The following TIMD4 variants were observed in gnomAD, a reference collection of about 807,000 sequenced individuals.
The protein encoded by TIMD4 is T cell immunoglobulin and mucin domain containing 4.
In TIMD4, 31 loss-of-function variants were observed where a neutral mutation model predicts 41.2. That is an observed-to-expected ratio of 0.75 (90% CI 0.57 to 1.01). TIMD4 has a LOEUF of 1.01. TIMD4 is among the 50% of genes least tolerant of loss of function. TIMD4 has a pLI of 0.00. For missense variants in TIMD4, 479 were observed against 472.5 expected (o/e 1.01, Z -0.13); for synonymous variants, 204 against 177.1 (o/e 1.15, Z -1.21).
chr5:156,941,428 C>T (rs1759650915), intron 5 of TIMD4, among the ~76,000 whole-genome samples: 1 of 152,232 alleles, frequency 6.6e-6, no homozygotes, highest in South Asian at 2.1e-4. Context: ...AGCTTCCTAT[C>T]TCTATTTTTG....
chr5:156,921,276 C>T (rs1020976675), intron 7 of TIMD4, among the ~76,000 whole-genome samples: 1 of 152,000 alleles, frequency 6.6e-6, no homozygotes, highest in African/African-American at 2.4e-5. Flanking sequence ...CCCTTGAAGT[C>T]CATCTGTGGC....
intron 8 of TIMD4, 105 bp from the exon 9 acceptor site, chr5:156,919,646 G>C: frequency 1.2e-6 from 1 of 846,238 alleles, no homozygotes; most frequent in Non-Finnish European, 1.9e-6. Context: ...AGTTCAAAGG[G>C]CTCACAGTTC....
chr5:156,924,702 G>T, intron 6 of TIMD4: 1 of 169,296 alleles, frequency 5.9e-6, no homozygotes, highest in Non-Finnish European at 1.3e-5. Flanking sequence ...GAATTCATCT[G>T]AAAATAAATA....
At position 156,954,700 on chromosome 5, in the gene TIMD4, G is replaced by T; in HGVS notation, c.115C>A (p.Pro39Thr). 1 of 1,614,052 alleles carries T rather than the reference G, an allele frequency of 6.2e-7. No individual in the cohort carries two copies. The highest frequency in any genetic ancestry group is 1.1e-5 in the South Asian group (1 of 91,058). ...TEVLGHRVTL[P>T]CLYSSWSHNS... ...TGAGACCAGGATGAGTACAGACAGGGCAAAGTCACCCGGTGACCCAAAACC... is the reference window on the plus strand; with the variant it reads ...TGAGACCAGGATGAGTACAGACAGGTCAAAGTCACCCGGTGACCCAAAACC... The change falls in exon 2 of 9, where the codon CCC (proline) becomes ACC (threonine). Residue 39 changes from proline (P) to threonine (T), a missense_variant. Pro to Thr is a conservative substitution (Grantham distance 38). Coordinates refer to ENST00000274532, the MANE Select transcript of TIMD4 (RefSeq NM_138379.3).
intron 6 of TIMD4, among the ~76,000 whole-genome samples, chr5:156,925,290 A>C (rs1480704806): frequency 6.6e-6 from 1 of 152,220 alleles, no homozygotes; most frequent in Non-Finnish European, 1.5e-5. Flanking sequence ...AGCCTGGGCA[A>C]GAGTGAGACT....
At chr5:156,948,124 G>T (rs189173891) in intron 5 of TIMD4, among the ~76,000 whole-genome samples, 7 of 152,044 alleles carry the variant, frequency 4.6e-5, no homozygotes, top group Non-Finnish European at 8.8e-5. Context: ...ACGTGGCCAC[G>T]AAGGAGCCAG....
intron 1 of TIMD4, among the ~76,000 whole-genome samples, chr5:156,961,621 G>A (rs1350087591): frequency 6.8e-6 from 1 of 146,314 alleles, no homozygotes; most frequent in Non-Finnish European, 1.5e-5. Context: ...TGACCAATAT[G>A]GTGAAACCCC....
At chr5:156,923,049 A>G (rs115722579) in intron 6 of TIMD4, among the ~76,000 whole-genome samples, 1,707 of 152,094 alleles carry the variant, frequency 0.011, 29 homozygotes, top group African/African-American at 0.039. Flanking sequence ...CTAAAAGAAA[A>G]GTTTAAACTT....
At chr5:156,950,504 G>A (rs1208443798) in intron 3 of TIMD4, among the ~76,000 whole-genome samples, 3 of 152,132 alleles carry the variant, frequency 2.0e-5, no homozygotes, top group Non-Finnish European at 2.9e-5. Flanking sequence ...TAAAGCTATT[G>A]GAATTTTCCA....
At chr5:156,935,069 CT>C (rs1759514494) in intron 5 of TIMD4, among the ~76,000 whole-genome samples, 1 of 152,152 alleles carries the variant, frequency 6.6e-6, no homozygotes, top group Non-Finnish European at 1.5e-5. Flanking sequence ...ACGCTGCCCC[CT>C]GTGGATCATG....
intron 2 of TIMD4, 137 bp downstream of exon 2, chr5:156,954,278 C>T (rs554084560): frequency 1.5e-5 from 13 of 859,808 alleles, no homozygotes; most frequent in South Asian, 7.4e-5. Flanking sequence ...CTTCAAACCA[C>T]GGCACTTTAT....
At chr5:156,962,195 T>C (rs1002353024) in intron 1 of TIMD4, among the ~76,000 whole-genome samples, 4 of 152,158 alleles carry the variant, frequency 2.6e-5, no homozygotes, top group South Asian at 4.1e-4. Flanking sequence ...TAGTGTTTGA[T>C]AGCATAGTGG....
rs1286429767 is a variant in TIMD4, at chr5:156,920,498, GT to G, written c.1017del (p.Lys339AsnfsTer14). On this transcript the variant is annotated frameshift_variant, in exon 8 of 9. Transcript: ENST00000274532. LOFTEE classifies it low-confidence loss of function (END_TRUNC). ...TTCTGCGAACAATAGGTTTCCATGA[GT>G]TTCCCTGAAAAGACAAGGCCACAGT... ...ALFVAFLLRG[K>X]LMETYCSQKH... The G allele has an allele frequency of 6.2e-7, 1 of 1,613,920 alleles. No individual in the cohort carries two copies. Among genetic ancestry groups the G allele is most frequent in the East Asian group, 2.2e-5 (1 of 44,896 alleles).
chr5:156,936,850 T>C (rs1034141602), intron 5 of TIMD4, among the ~76,000 whole-genome samples: 1 of 149,990 alleles, frequency 6.7e-6, no homozygotes, highest in Admixed American at 6.7e-5. Context: ...GAGAATCGCT[T>C]GAACATGGGA....
rs1455353997 is a variant in TIMD4, at chr5:156,923,142, AATTTTT to A, written c.895-932_895-927del. On this transcript the variant is annotated intron_variant, in intron 6 of 8. Coordinates refer to ENST00000274532, the MANE Select transcript of TIMD4 (RefSeq NM_138379.3). ...CAAGCTCCTGCCATTGCTGGGATTA[AATTTTT>A]TTTTTTTTTTTTTTTTTTGACACAG... Among the ~76,000 whole-genome samples the A allele has an allele frequency of 1.8e-3, 248 of 137,326 alleles. 1 individual carries two copies. Among genetic ancestry groups the A allele is most frequent in the African/African-American group, 7.0e-3 (237 of 33,676 alleles). The allele number at this position is 137,326 out of a possible 152,430, so 90.1% of individuals were successfully genotyped here. A position where few individuals can be genotyped will look rare whatever the true frequency, so the allele number is the denominator to read the frequency against.
chr5:156,954,353 C>T, intron 2 of TIMD4, 62 bp downstream of exon 2: 10 of 1,477,632 alleles, frequency 6.8e-6, no homozygotes, highest in Non-Finnish European at 9.2e-6. Context: ...ATCCACTGAT[C>T]CCATTGTCCA....
At chr5:156,945,109 G>T (rs1284769203) in intron 5 of TIMD4, among the ~76,000 whole-genome samples, 1 of 152,210 alleles carries the variant, frequency 6.6e-6, no homozygotes, top group African/African-American at 2.4e-5. Context: ...CTCTGAAGTG[G>T]GTTGGAAGGG....
chr5:156,922,113 GCCA>G lies in TIMD4; in HGVS notation c.995_997del (p.Val332del). On this transcript the variant is annotated inframe_deletion, in exon 7 of 9. Transcript: ENST00000274532. ...TCCCTCCTTACCTCTCAGGAGAAAC[GCCA>G]CAAACAATGCGAAGAGCACAAATCC... 6.2e-7 allele frequency: 1 copy of G among 1,613,598 alleles called. No homozygotes were observed. The highest frequency in any genetic ancestry group is 8.5e-7 in the Non-Finnish European group (1 of 1,179,724).
chr5:156,954,414 C>T lies in TIMD4; in HGVS notation c.400+1G>A, dbSNP rs778218447. 1 of 1,611,768 alleles carries T rather than the reference C, an allele frequency of 6.2e-7. No individual in the cohort carries two copies. The highest frequency in any genetic ancestry group is 8.5e-7 in the Non-Finnish European group (1 of 1,178,800). ...AGGCATGAGGCCCTTCGTGTGCTTA[C>T]CTCTCTGTAGATTCAGGCGCACGTT... On this transcript the variant is annotated splice_donor_variant, in intron 2 of 8. Coordinates refer to ENST00000274532, the MANE Select transcript of TIMD4 (RefSeq NM_138379.3). LOFTEE classifies it high-confidence loss of function.
Sources: gnomAD v4.1 joint callset for allele counts (sites outside exome capture counted in the v4.1 genomes callset) on GRCh38, gnomAD v4.1.1 for gene constraint, MANE v1.5 for transcripts, NCBI Gene and HGNC (gene_info 2026-07-23, HGNC 2026-07-21) for gene names.